MTHFD1L: variants seen among roughly 807,000 people sequenced by gnomAD.
MTHFD1L encodes monofunctional C1-tetrahydrofolate synthase, mitochondrial.
Under a neutral mutation model 119.5 loss-of-function variants are expected in MTHFD1L, and 81 were observed. That is an observed-to-expected ratio of 0.68 (90% CI 0.57 to 0.82). The LOEUF is 0.82. Ranked by LOEUF, MTHFD1L falls within the 40% of genes least tolerant of loss-of-function variation. MTHFD1L has a pLI of 0.00. For synonymous variants in MTHFD1L, 430 were observed against 475.2 expected (o/e 0.90, Z 1.24); for missense variants, 1,125 against 1,253.4 (o/e 0.90, Z 1.55).
chr6:150,959,422 T>TGAG (rs755216433), intron 17 of MTHFD1L, among the ~76,000 whole-genome samples: 1 of 152,232 alleles, frequency 6.6e-6, no homozygotes, highest in Non-Finnish European at 1.5e-5. Flanking sequence ...GGCTGAATTA[T>TGAG]GAGGAGGAGG....
intron 20 of MTHFD1L, among the ~76,000 whole-genome samples, chr6:150,977,345 A>C (rs1420409147): frequency 1.3e-5 from 2 of 152,230 alleles, no homozygotes; most frequent in Non-Finnish European, 2.9e-5. Flanking sequence ...TCAGTAGTCC[A>C]TTTAGACTTA....
intron 26 of MTHFD1L, among the ~76,000 whole-genome samples, chr6:151,089,284 G>A (rs1794150517): frequency 6.6e-6 from 1 of 152,166 alleles, no homozygotes; most frequent in African/African-American, 2.4e-5. Flanking sequence ...CCATAGCTAG[G>A]CACAGATTAT....
chr6:150,998,050 TA>T (rs1780057081), intron 20 of MTHFD1L, among the ~76,000 whole-genome samples: 1 of 152,250 alleles, frequency 6.6e-6, no homozygotes, highest in Non-Finnish European at 1.5e-5. Context: ...AATTGCATTT[TA>T]TATGACACCA....
At chr6:150,914,170 G>A (rs1367508688) in intron 8 of MTHFD1L, among the ~76,000 whole-genome samples, 1 of 152,098 alleles carries the variant, frequency 6.6e-6, no homozygotes, top group African/African-American at 2.4e-5. Context: ...TGTGGCATGC[G>A]CCTGTAGTCC....
At chr6:150,986,250 A>C (rs1219193814) in intron 20 of MTHFD1L, among the ~76,000 whole-genome samples, 1 of 152,236 alleles carries the variant, frequency 6.6e-6, no homozygotes, top group African/African-American at 2.4e-5. Flanking sequence ...AAGTTTTATA[A>C]ATATGTTTGC....
chr6:150,953,675 A>G (rs1360099587), intron 16 of MTHFD1L, among the ~76,000 whole-genome samples: 3 of 152,208 alleles, frequency 2.0e-5, no homozygotes, highest in Non-Finnish European at 4.4e-5. Flanking sequence ...TTAAAGGCAG[A>G]GGTGGGCTTT....
chr6:150,945,952 G>T (rs1427714538), intron 15 of MTHFD1L, among the ~76,000 whole-genome samples: 1 of 151,866 alleles, frequency 6.6e-6, no homozygotes, highest in African/African-American at 2.4e-5. Flanking sequence ...CACCATGATG[G>T]CCCCTGTGAA....
At chr6:150,882,341 C>T (rs1781514104) in intron 4 of MTHFD1L, among the ~76,000 whole-genome samples, 1 of 152,162 alleles carries the variant, frequency 6.6e-6, no homozygotes, top group African/African-American at 2.4e-5. Flanking sequence ...TTAGCTGGGC[C>T]AGATTGGAAT....
rs755065564 is a variant in MTHFD1L at position 150,887,995 on chromosome 6, T to G, written c.780+14T>G. On this transcript the variant is annotated intron_variant, in intron 7 of 27. Coordinates refer to ENST00000367321, the MANE Select transcript of MTHFD1L (RefSeq NM_015440.5). ...CTTCAAAGCAAGGTAAATTTCATGT[T>G]AGAAACATACATCTTGAAGGCTTCT... The G allele has an allele frequency of 1.1e-5, 18 of 1,592,166 alleles. No individual in the cohort carries two copies. Among genetic ancestry groups the G allele is most frequent in the Non-Finnish European group, 1.3e-5 (15 of 1,172,406 alleles).
intron 20 of MTHFD1L, among the ~76,000 whole-genome samples, chr6:151,006,850 C>A (rs1781473680): frequency 1.3e-5 from 2 of 152,004 alleles, no homozygotes; most frequent in African/African-American, 4.8e-5. Flanking sequence ...ACTTAGAGAT[C>A]ACTTGATCAG....
At chr6:151,009,709 A>G in intron 20 of MTHFD1L, 110 bp from the exon 21 acceptor site, 1 of 1,246,912 alleles carries the variant, frequency 8.0e-7, no homozygotes, top group Non-Finnish European at 1.1e-6. Flanking sequence ...TTGTGTTGGT[A>G]AACAAAAGGA....
In MTHFD1L at chr6:151,092,517, T is replaced by A. The variant is rs1364225813; in HGVS notation, c.2898T>A (p.Asp966Glu). 5 of 1,613,988 alleles carry A rather than the reference T, an allele frequency of 3.1e-6. No individual in the cohort carries two copies. The highest frequency in any genetic ancestry group is 4.2e-6 in the Non-Finnish European group (5 of 1,180,040). Residue 966 changes from aspartate to glutamate, a missense_variant, in exon 27 of 28, where the codon GAT becomes GAA. By Grantham distance (45) the Asp-to-Glu change is conservative. Transcript: ENST00000367321. ...LPTRPCFYDI[D>E]LDTETEQVKG... is the part of the protein sequence containing the mutation. ...CCCGGCCCTGCTTTTATGACATAGA[T>A]CTTGATACCGAAACAGAACAAGTTA...
intron 19 of MTHFD1L, among the ~76,000 whole-genome samples, chr6:150,965,800 G>C (rs1797128451): frequency 6.6e-6 from 1 of 152,038 alleles, no homozygotes; most frequent in Non-Finnish European, 1.5e-5. Context: ...ATTGTTGTTT[G>C]TTTGTTTCCA....
chr6:150,922,211 G>A lies in MTHFD1L; in HGVS notation c.991G>A (p.Val331Ile). 6.2e-7 allele frequency: 1 copy of A among 1,613,730 alleles called. No homozygotes were observed. The highest frequency in any genetic ancestry group is 1.1e-5 in the South Asian group (1 of 91,044). The change falls in exon 10 of 28, where the codon GTC (valine) becomes ATC (isoleucine). Residue 331 changes from valine to isoleucine, a missense_variant. Around this residue, in one of 3 missense-constraint regions of MTHFD1L, gnomAD observed 1,058 missense variants for 1,151.2 expected, o/e 0.92. Transcript: ENST00000367321. ...CCCTCTATCCCTGCTGAAGAACATGGTCAGTAGTGGAAGGAGATGGCTTCG... is the reference window on the plus strand; with the variant it reads ...CCCTCTATCCCTGCTGAAGAACATGATCAGTAGTGGAAGGAGATGGCTTCG... ...LAAALRIQNM[V>I]SSGRRWLREQ...
intron 26 of MTHFD1L, among the ~76,000 whole-genome samples, chr6:151,073,072 G>A (rs1160393514): frequency 6.6e-6 from 1 of 152,174 alleles, no homozygotes; most frequent in African/African-American, 2.4e-5. Context: ...CCTGGCTACT[G>A]TGTAGAGAGA....
intron 1 of MTHFD1L, among the ~76,000 whole-genome samples, chr6:150,871,838 TATTTTATTTTA>T (rs1045657802): frequency 4.6e-5 from 7 of 150,736 alleles, no homozygotes; most frequent in East Asian, 2.0e-4. Flanking sequence ...GTTGTCATTT[TATTTTATTTTA>T]ATTTTATTTT....
chr6:151,058,185 G>C (rs541058782), intron 26 of MTHFD1L, among the ~76,000 whole-genome samples: 1 of 152,316 alleles, frequency 6.6e-6, no homozygotes, highest in South Asian at 2.1e-4. Flanking sequence ...GCTTAAGCTG[G>C]TTTATTGCAC....
At chr6:150,888,929 C>T (rs1057449534) in intron 7 of MTHFD1L, among the ~76,000 whole-genome samples, 11 of 152,082 alleles carry the variant, frequency 7.2e-5, no homozygotes, top group African/African-American at 2.4e-4. Flanking sequence ...AATCCCAGCA[C>T]TCTGGGAGGC....
intron 17 of MTHFD1L, among the ~76,000 whole-genome samples, chr6:150,958,177 T>C (rs1330980878): frequency 6.6e-6 from 1 of 152,114 alleles, no homozygotes; most frequent in East Asian, 1.9e-4. Flanking sequence ...TAAAAAGGGG[T>C]TATAGTGTAT....
Sources: gnomAD v4.1 joint callset for allele counts (sites outside exome capture counted in the v4.1 genomes callset) on GRCh38, gnomAD v4.1.1 for gene constraint, gnomAD v4.1.1 regional missense constraint, MANE v1.5 for transcripts, NCBI Gene and HGNC (gene_info 2026-07-23, HGNC 2026-07-21) for gene names.